TJP1: variants seen among roughly 807,000 people sequenced by gnomAD.
The protein encoded by TJP1 is tight junction protein 1.
A neutral mutation model predicts 194.2 loss-of-function variants in TJP1; 43 were observed. The ratio of observed to expected loss-of-function variants is 0.22; its 90% CI spans 0.17 to 0.29. The LOEUF (loss-of-function observed/expected upper bound fraction) is 0.29. TJP1 is among the 10% of genes least tolerant of loss of function. The pLI is 1.00. For synonymous variants in TJP1, 801 were observed against 779.0 expected, an observed-to-expected ratio of 1.03 and a Z score of -0.47; for missense variants, 1,971 against 2,185.7, an observed-to-expected ratio of 0.90 and a Z score of 1.96.
chr15:29,758,332 A>AT (rs1171150530), intron 8 of TJP1, among the ~76,000 whole-genome samples: 1 of 151,994 alleles, frequency 6.6e-6, no homozygotes, highest in Admixed American at 6.6e-5. Flanking sequence ...AGAAGTTTGT[A>AT]TTTTTAAAAG....
intron 2 of TJP1, among the ~76,000 whole-genome samples, chr15:29,839,041 C>T (rs1001805436): frequency 4.1e-5 from 6 of 144,698 alleles, no homozygotes; most frequent in African/African-American, 1.6e-4. Context: ...CTCTGTCACC[C>T]AGGCTGGAGT....
chr15:29,827,995 C>G (rs764105741), intron 2 of TJP1, among the ~76,000 whole-genome samples: 5 of 152,192 alleles, frequency 3.3e-5, no homozygotes, highest in South Asian at 2.1e-4. Context: ...TACAGTCCTT[C>G]TGTAAAAGAT....
chr15:29,797,794 T>C (rs1327252331), intron 2 of TJP1, among the ~76,000 whole-genome samples: 1 of 152,184 alleles, frequency 6.6e-6, no homozygotes, highest in Non-Finnish European at 1.5e-5. Context: ...CAGTCTTGAA[T>C]ACGTGAAGTC....
At chr15:29,737,535 A>T in intron 10 of TJP1, 121 bp from the exon 11 acceptor site, 1 of 1,034,246 alleles carries the variant, frequency 9.7e-7, no homozygotes, top group Non-Finnish European at 1.4e-6. Flanking sequence ...AACTTCTCTC[A>T]TACCACTATT....
At position 29,732,494 on chromosome 15, in the gene TJP1, T is replaced by C; in HGVS notation, c.1956A>G (p.Pro652=). 6.2e-7 allele frequency: 1 copy of C among 1,614,140 alleles called. No homozygotes were observed. Among genetic ancestry groups the C allele is most frequent in the Non-Finnish European group, 8.5e-7 (1 of 1,180,032 alleles). Residue 652 remains proline, a synonymous_variant, in exon 15 of 28, where the codon CCA becomes CCG. Transcript: ENST00000614355. Reference sequence around the variant, plus strand: ...GCTTTTCTCTGGCAACATCAGCTATTGGTCCAAAAATGGTTACAGGCCTCA... The same window carrying C: ...GCTTTTCTCTGGCAACATCAGCTATCGGTCCAAAAATGGTTACAGGCCTCA... ...GFLRPVTIFG[P]IADVAREKLA...
Position 29,822,159 on chromosome 15 carries a change from G to GT in TJP1, c.-132_-131insA. ...AGCGGGGCACGGGCGGGGGCGGCCG[G>GT]AAGGGCCCGGCCCAGGGGGAGGGAA... is the stretch of plus-strand genomic sequence containing the variant. On this transcript the variant is annotated 5_prime_UTR_variant, in exon 1 of 28. Coordinates refer to ENST00000614355, the MANE Select transcript of TJP1 (RefSeq NM_001330239.4). The GT allele has an allele frequency of 8.5e-7, 1 of 1,181,222 alleles. No individual in the cohort carries two copies. The highest frequency in any genetic ancestry group is 1.0e-6 in the Non-Finnish European group (1 of 954,512). 73.2% of individuals were successfully genotyped at this position (1,181,222 alleles called of 1,614,324 possible).
chr15:29,796,352 C>CA (rs199929729), intron 2 of TJP1, among the ~76,000 whole-genome samples: 1,505 of 129,946 alleles, frequency 0.012, 19 homozygotes, highest in African/African-American at 0.033. Flanking sequence ...AAAAAAAAAA[C>CA]AAAAAAAAAC....
At chr15:29,744,800 T>A (rs2044657814) in intron 8 of TJP1, among the ~76,000 whole-genome samples, 1 of 152,178 alleles carries the variant, frequency 6.6e-6, no homozygotes, top group South Asian at 2.1e-4. Flanking sequence ...GTCATCAGCA[T>A]TCCAATCTGA....
intron 8 of TJP1, among the ~76,000 whole-genome samples, chr15:29,754,072 GCAAA>G (rs766033619): frequency 1.3e-5 from 2 of 152,136 alleles, no homozygotes; most frequent in Non-Finnish European, 2.9e-5. Context: ...AAAGACATAT[GCAAA>G]CAAATGTTCA....
intron 2 of TJP1, among the ~76,000 whole-genome samples, chr15:29,908,035 T>A (rs528646353): frequency 5.9e-5 from 2 of 33,704 alleles, no homozygotes; most frequent in African/African-American, 9.9e-5. Flanking sequence ...AGTTGAGAAA[T>A]TACCTTATAA....
chr15:29,716,814 T>A lies in TJP1; in HGVS notation c.3999A>T (p.Gln1333His). 6.2e-7 allele frequency: 1 copy of A among 1,602,324 alleles called. No homozygotes were observed. The highest frequency in any genetic ancestry group is 1.3e-5 in the African/African-American group (1 of 74,842). The change falls in exon 23 of 28, where the codon CAA becomes CAT. Residue 1333 changes from glutamine (Q) to histidine (H), a missense_variant. Coordinates refer to ENST00000614355, the MANE Select transcript of TJP1 (RefSeq NM_001330239.4). Reference protein sequence around the residue: ...LYRIPEPQKPQLKPPEDIVRS... With the variant: ...LYRIPEPQKPHLKPPEDIVRS... ...GAACAATATCTTCAGGTGGCTTCAG[T>A]TGAGGTTTTTGAGGTTCTGGGATCC... is the stretch of plus-strand genomic sequence containing the variant.
intron 1 of TJP1, chr15:29,968,298 G>A (rs925927964): frequency 2.0e-6 from 2 of 985,096 alleles, no homozygotes; most frequent in Non-Finnish European, 2.4e-6. Flanking sequence ...GTCTCCGCGA[G>A]AGCCTGGCTG....
chr15:29,857,875 C>A lies in TJP1; in HGVS notation c.307-57173G>T, dbSNP rs553331590. Among the ~76,000 whole-genome samples the A allele has an allele frequency of 2.0e-5, 3 of 152,304 alleles. No homozygotes were observed. In the East Asian group the frequency reaches 5.8e-4, roughly 29 times the overall value. ...CTCCTGGGTTCAAGCAATTCTCCTGCCTCAGCCTCCGGACTAGCTGGGATT... is the reference window on the plus strand; with the variant it reads ...CTCCTGGGTTCAAGCAATTCTCCTGACTCAGCCTCCGGACTAGCTGGGATT... On this transcript the variant is annotated intron_variant, in intron 2 of 28. Coordinates refer to the TJP1 transcript ENST00000356107.
chr15:29,838,750 C>A (rs1306393725), intron 2 of TJP1, among the ~76,000 whole-genome samples: 1 of 152,050 alleles, frequency 6.6e-6, no homozygotes, highest in East Asian at 1.9e-4. Flanking sequence ...TCTCATGTTA[C>A]TCCTTACAGC....
chr15:29,847,349 T>C (rs561312457), intron 2 of TJP1, among the ~76,000 whole-genome samples: 1 of 152,300 alleles, frequency 6.6e-6, no homozygotes, highest in East Asian at 1.9e-4. Context: ...CTTTTTTCTT[T>C]TGTTTTCCTA....
At chr15:29,824,358 G>A (rs1054325908), upstream of TJP1, among the ~76,000 whole-genome samples, 7 of 150,832 alleles carry the variant, frequency 4.6e-5, no homozygotes, top group East Asian at 2.0e-4. Flanking sequence ...CAGGAGAATC[G>A]CTTGAACCCG....
At position 29,761,296 on chromosome 15, in the gene TJP1, A is replaced by C. The variant is rs1469044514; in HGVS notation, c.863-10T>G. ...TGAATTTCTGAAATGTCTGTTAATA[A>C]AAGGGTGCTACTTATTTTCCCACAA... On this transcript the variant is annotated splice_polypyrimidine_tract_variant and intron_variant, in intron 7 of 27. Transcript: ENST00000614355. The C allele has an allele frequency of 1.9e-6, 3 of 1,613,856 alleles. No homozygotes were observed. The highest frequency in any genetic ancestry group is 1.3e-5 in the African/African-American group (1 of 75,038).
intron 2 of TJP1, among the ~76,000 whole-genome samples, chr15:29,872,652 A>AAG (rs1555443467): frequency 4.6e-5 from 7 of 151,954 alleles, no homozygotes; most frequent in African/African-American, 1.2e-4. Flanking sequence ...CGATGGAAAA[A>AAG]AGCAAGAACT....
At chr15:29,900,028 T>G (rs2053589662) in intron 2 of TJP1, among the ~76,000 whole-genome samples, 1 of 151,646 alleles carries the variant, frequency 6.6e-6, no homozygotes, top group African/African-American at 2.4e-5. Flanking sequence ...AAACGGTGGT[T>G]AAGTGCCATT....
Sources: allele counts gnomAD v4.1 joint callset (sites outside exome capture counted in the v4.1 genomes callset), GRCh38; gene constraint gnomAD v4.1.1; transcripts MANE v1.5; gene names NCBI Gene and HGNC (gene_info 2026-07-23, HGNC 2026-07-21).